The following UGT1A10 variants were observed in gnomAD, a reference collection of about 807,000 sequenced individuals.
UGT1A10 encodes UDP-glucuronosyltransferase 1A10.
UGT1A10 carries 49 observed loss-of-function variants against 45.8 expected under a neutral mutation model. The observed-to-expected ratio is 1.07, with a 90% confidence interval of 0.85 to 1.36. UGT1A10 has a LOEUF of 1.36. UGT1A10 is among the 40% of genes most tolerant of loss of function. UGT1A10 has a pLI of 0.00. For missense variants in UGT1A10, 745 were observed against 668.6 expected (o/e 1.11, Z -1.26); for synonymous variants, 284 against 249.7 (o/e 1.14, Z -1.29).
At chr2:233,671,235 T>C (rs925269185) in intron 1 of UGT1A10, among the ~76,000 whole-genome samples, 1 of 152,136 alleles carries the variant, frequency 6.6e-6, no homozygotes, top group Non-Finnish European at 1.5e-5. Context: ...CTCGCAAGGA[T>C]TGGGCGGGCA....
At chr2:233,700,805 T>C (rs567611805) in intron 1 of UGT1A10, among the ~76,000 whole-genome samples, 135 of 152,262 alleles carry the variant, frequency 8.9e-4, no homozygotes, top group African/African-American at 2.8e-3. Flanking sequence ...ATGTGCCATG[T>C]TGGTGTGCTG....
At chr2:233,678,744 G>A (rs2125514410) in intron 1 of UGT1A10, among the ~76,000 whole-genome samples, 2 of 147,948 alleles carry the variant, frequency 1.4e-5, no homozygotes, top group African/African-American at 4.9e-5. Context: ...TGATTGGAAA[G>A]CACTCATCTC....
At chr2:233,739,701 C>T (rs1691179218) in intron 1 of UGT1A10, among the ~76,000 whole-genome samples, 1 of 152,172 alleles carries the variant, frequency 6.6e-6, no homozygotes, top group Non-Finnish European at 1.5e-5. Flanking sequence ...ATTTTACAGG[C>T]TCATGGGGGA....
At chr2:233,683,994 A>G (rs2125527799) in intron 1 of UGT1A10, among the ~76,000 whole-genome samples, 1 of 152,350 alleles carries the variant, frequency 6.6e-6, no homozygotes, top group Non-Finnish European at 1.5e-5. Context: ...AAGTCGTGAC[A>G]AATACAAGAG....
At chr2:233,647,950 T>A (rs909744527) in intron 1 of UGT1A10, 3 of 1,606,610 alleles carry the variant, frequency 1.9e-6, no homozygotes, top group Non-Finnish European at 2.6e-6. Flanking sequence ...GAGCCACTGG[T>A]TCACCATGTG....
At chr2:233,708,901 G>C (rs945780611) in intron 1 of UGT1A10, among the ~76,000 whole-genome samples, 1 of 152,086 alleles carries the variant, frequency 6.6e-6, no homozygotes, top group Admixed American at 6.6e-5. Context: ...GGGGCTATCT[G>C]GTTAGGTATT....
chr2:233,747,881 T>C, intron 1 of UGT1A10: 1 of 1,613,550 alleles, frequency 6.2e-7, no homozygotes, highest in Non-Finnish European at 8.5e-7. Context: ...TGTCCTACCT[T>C]TGCCATGCTC....
At chr2:233,763,692 T>G (rs28900398) in intron 1 of UGT1A10, among the ~76,000 whole-genome samples, 3,195 of 152,308 alleles carry the variant, frequency 0.021, 100 homozygotes, top group African/African-American at 0.073. Context: ...GATAAAACTT[T>G]TATTGCACAA....
chr2:233,664,175 T>C (rs940360712), intron 1 of UGT1A10, among the ~76,000 whole-genome samples: 1 of 152,158 alleles, frequency 6.6e-6, no homozygotes, highest in African/African-American at 2.4e-5. Flanking sequence ...TGAGACCTCA[T>C]TAGCCTGGCC....
intron 1 of UGT1A10, among the ~76,000 whole-genome samples, chr2:233,739,315 G>A (rs1559383204): frequency 6.6e-6 from 1 of 152,196 alleles, no homozygotes; most frequent in Non-Finnish European, 1.5e-5. Context: ...GTGGAGTTGT[G>A]AGAAGAAGGC....
At chr2:233,721,820 A>T in intron 1 of UGT1A10, 1 of 516,484 alleles carries the variant, frequency 1.9e-6, no homozygotes, top group Admixed American at 1.9e-5. Context: ...CCAGCACCCT[A>T]TTTGGGCCAC....
intron 1 of UGT1A10, among the ~76,000 whole-genome samples, chr2:233,697,479 C>T (rs1352633531): frequency 6.7e-6 from 1 of 150,054 alleles, no homozygotes; most frequent in Non-Finnish European, 1.5e-5. Context: ...TAGTCTAGCT[C>T]AAGGTTTGCC....
chr2:233,683,289 T>C (rs2074626514), intron 1 of UGT1A10, among the ~76,000 whole-genome samples: 1 of 152,164 alleles, frequency 6.6e-6, no homozygotes, highest in South Asian at 2.1e-4. Context: ...GTTAAAGATA[T>C]CTTTACAGGT....
chr2:233,663,310 G>C (rs1559330128), intron 1 of UGT1A10, among the ~76,000 whole-genome samples: 1 of 152,192 alleles, frequency 6.6e-6, no homozygotes, highest in African/African-American at 2.4e-5. Flanking sequence ...GTCTCCCCAA[G>C]CAATTTGGGG....
intron 4 of UGT1A10, chr2:233,771,511 A>G (rs1282263981): frequency 1.3e-5 from 2 of 152,328 alleles, no homozygotes; most frequent in Non-Finnish European, 2.9e-5. Context: ...ACTGAATTAC[A>G]AATATATCAT....
chr2:233,770,833 T>C (rs1328938186), intron 4 of UGT1A10: 1 of 152,206 alleles, frequency 6.6e-6, no homozygotes, highest in Non-Finnish European at 1.5e-5. Context: ...TGCATTGCTG[T>C]AAAGAAATAC....
intron 1 of UGT1A10, among the ~76,000 whole-genome samples, chr2:233,688,346 C>A (rs907282855): frequency 1.3e-5 from 2 of 152,134 alleles, no homozygotes; most frequent in Admixed American, 1.3e-4. Flanking sequence ...CATTTTCAGC[C>A]ATGAAAAATA....
intron 1 of UGT1A10, among the ~76,000 whole-genome samples, chr2:233,703,677 A>T (rs2075747505): frequency 6.6e-6 from 1 of 151,838 alleles, no homozygotes; most frequent in Admixed American, 6.6e-5. Flanking sequence ...TTCATGATAT[A>T]TTTTTTTTCC....
intron 1 of UGT1A10, among the ~76,000 whole-genome samples, chr2:233,711,291 G>C (rs4233633): frequency 0.17 from 25,883 of 152,238 alleles, 2,419 homozygotes; most frequent in South Asian, 0.25. Context: ...AGACGTGGGA[G>C]TAGAAATTAG....
Sources: gnomAD v4.1 joint callset for allele counts (sites outside exome capture counted in the v4.1 genomes callset) on GRCh38, gnomAD v4.1.1 for gene constraint, MANE v1.5 for transcripts, NCBI Gene and HGNC (gene_info 2026-07-23, HGNC 2026-07-21) for gene names.